Variants in RBFOX1 observed in about 807,000 individuals in gnomAD.
RBFOX1 encodes RNA binding protein fox-1 homolog 1.
A neutral mutation model predicts 57.7 loss-of-function variants in RBFOX1; 8 were observed. That is an observed-to-expected ratio of 0.14 (90% CI 0.08 to 0.25). The LOEUF is 0.25. RBFOX1 is among the 10% of genes least tolerant of loss of function. The pLI is 1.00. For missense variants in RBFOX1, 611 were observed against 548.5 expected, an observed-to-expected ratio of 1.11 and a Z score of -1.14; for synonymous variants, 326 against 222.4, an observed-to-expected ratio of 1.47 and a Z score of -4.15.
At chr16:7,420,882 A>AAT (rs149189616) in intron 4 of RBFOX1, among the ~76,000 whole-genome samples, 63 of 145,496 alleles carry the variant, frequency 4.3e-4, no homozygotes, top group Admixed American at 7.6e-4. Context: ...TATCTTTTAA[A>AAT]ATATATATAT....
chr16:7,364,298 C>T (rs981649315), intron 4 of RBFOX1, among the ~76,000 whole-genome samples: 9 of 152,020 alleles, frequency 5.9e-5, no homozygotes, highest in Non-Finnish European at 1.0e-4. Flanking sequence ...ATCTGTTTAT[C>T]TTGCAGTTAC....
intron 1 of RBFOX1, among the ~76,000 whole-genome samples, chr16:6,271,104 A>G (rs1403631875): frequency 2.0e-5 from 3 of 152,188 alleles, no homozygotes; most frequent in Non-Finnish European, 4.4e-5. Context: ...GCTTCAAATC[A>G]CTAATCTAAA....
intron 3 of RBFOX1, among the ~76,000 whole-genome samples, chr16:5,612,046 T>G (rs1209651166): frequency 6.6e-6 from 1 of 151,208 alleles, no homozygotes; most frequent in African/African-American, 2.4e-5. Flanking sequence ...AAATATTACT[T>G]GATCCATCTC....
At chr16:6,870,612 T>C (rs957965870) in intron 3 of RBFOX1, among the ~76,000 whole-genome samples, 1 of 152,240 alleles carries the variant, frequency 6.6e-6, no homozygotes, top group South Asian at 2.1e-4. Context: ...TGCAAAGCAA[T>C]AACAAATCAT....
chr16:6,766,281 A>G (rs2077317997), intron 3 of RBFOX1, among the ~76,000 whole-genome samples: 1 of 152,144 alleles, frequency 6.6e-6, no homozygotes. Context: ...TCTCTTTCCA[A>G]CAGAAAAAGT....
chr16:7,022,887 C>T (rs142574789), intron 3 of RBFOX1, among the ~76,000 whole-genome samples: 1 of 152,308 alleles, frequency 6.6e-6, no homozygotes, highest in African/African-American at 2.4e-5. Flanking sequence ...AGCTAGAATG[C>T]TGCAGAACTA....
chr16:5,767,184 G>A (rs998477870), intron 3 of RBFOX1, among the ~76,000 whole-genome samples: 3 of 152,174 alleles, frequency 2.0e-5, no homozygotes, highest in Admixed American at 6.5e-5. Flanking sequence ...GGGATAGCTT[G>A]GTAGAAATAC....
Position 5,575,770 on chromosome 16 carries a change from T to G in RBFOX1, c.259-23132T>G, listed in dbSNP as rs1200746748. ...GGAAGAAAAGATAACTCTATCTTTA[T>G]TTGACATAAAATGTAACCTCTTCTT... On this transcript the variant is annotated intron_variant, in intron 2 of 2. Transcript: ENST00000585867. Among the ~76,000 whole-genome samples the G allele has an allele frequency of 3.3e-5, 5 of 152,154 alleles. No homozygotes were observed. In the East Asian group the frequency reaches 9.6e-4, roughly 29 times the overall value.
intron 1 of RBFOX1, among the ~76,000 whole-genome samples, chr16:5,372,415 C>G (rs12928436): frequency 0.14 from 21,598 of 152,166 alleles, 2,127 homozygotes; most frequent in Non-Finnish European, 0.2. Flanking sequence ...GGAAATGACC[C>G]AGTCTCAAAC....
chr16:6,964,282 G>A (rs1048443506), intron 3 of RBFOX1, among the ~76,000 whole-genome samples: 5 of 152,200 alleles, frequency 3.3e-5, no homozygotes, highest in Admixed American at 6.5e-5. Flanking sequence ...ACCTCCCAAA[G>A]TGGTGGGATT....
At chr16:6,554,909 A>T (rs1487773280) in intron 2 of RBFOX1, among the ~76,000 whole-genome samples, 2 of 152,182 alleles carry the variant, frequency 1.3e-5, no homozygotes, top group Non-Finnish European at 2.9e-5. Context: ...AGCCCAGAGT[A>T]TGCTTTTTCT....
intron 3 of RBFOX1, among the ~76,000 whole-genome samples, chr16:7,044,063 C>A (rs1333104642): frequency 6.6e-6 from 1 of 152,176 alleles, no homozygotes; most frequent in African/African-American, 2.4e-5. Context: ...ATAGACTCAT[C>A]TTTTTCCCCA....
intron 4 of RBFOX1, among the ~76,000 whole-genome samples, chr16:5,911,701 T>C (rs2058606074): frequency 6.6e-6 from 1 of 152,130 alleles, no homozygotes; most frequent in Non-Finnish European, 1.5e-5. Context: ...GTCTGGGAAG[T>C]CCAGGATGAA....
At chr16:6,428,004 C>T (rs1218897099) in intron 2 of RBFOX1, among the ~76,000 whole-genome samples, 4 of 152,012 alleles carry the variant, frequency 2.6e-5, no homozygotes, top group South Asian at 2.1e-4. Flanking sequence ...GATGAGAGGC[C>T]GGGCACGGTG....
chr16:6,316,253 C>A (rs1365548971), intron 1 of RBFOX1, among the ~76,000 whole-genome samples: 1 of 152,108 alleles, frequency 6.6e-6, no homozygotes, highest in Non-Finnish European at 1.5e-5. Context: ...AGGAGATGAC[C>A]TCTCTTTCAA....
intron 4 of RBFOX1, among the ~76,000 whole-genome samples, chr16:7,278,339 G>A (rs1437571443): frequency 6.6e-6 from 1 of 152,088 alleles, no homozygotes; most frequent in Non-Finnish European, 1.5e-5. Context: ...GTCTCTAGAT[G>A]GTGAAGTCTT....
chr16:7,065,105 G>C (rs1001839468), intron 4 of RBFOX1, among the ~76,000 whole-genome samples: 7 of 152,202 alleles, frequency 4.6e-5, no homozygotes, highest in Non-Finnish European at 8.8e-5. Context: ...GGAGTTTACA[G>C]CCTCCTGTGA....
chr16:7,661,003 G>C (rs567328395), intron 12 of RBFOX1, among the ~76,000 whole-genome samples: 1 of 152,208 alleles, frequency 6.6e-6, no homozygotes, highest in Non-Finnish European at 1.5e-5. Context: ...TAAGGACTGA[G>C]TGGGATCATG....
intron 4 of RBFOX1, among the ~76,000 whole-genome samples, chr16:5,972,227 T>C: frequency 6.7e-6 from 1 of 148,822 alleles, no homozygotes; most frequent in African/African-American, 2.4e-5. Flanking sequence ...CCTCCCTCCC[T>C]CCCTATCTGT....
Sources: gnomAD v4.1 joint callset for allele counts (sites outside exome capture counted in the v4.1 genomes callset) on GRCh38, gnomAD v4.1.1 for gene constraint, MANE v1.5 for transcripts, NCBI Gene and HGNC (gene_info 2026-07-23, HGNC 2026-07-21) for gene names.